The following NOL4L variants were observed in gnomAD, a reference collection of about 807,000 sequenced individuals.
NOL4L encodes nucleolar protein 4 like, also known as nucleolar protein 4-like.
Under a neutral mutation model 64.5 loss-of-function variants are expected in NOL4L, and 7 were observed. That is an observed-to-expected ratio of 0.11 (90% CI 0.06 to 0.20). The LOEUF (loss-of-function observed/expected upper bound fraction) is 0.20. NOL4L is among the 10% of genes least tolerant of loss of function. The pLI, the probability that NOL4L is intolerant of heterozygous loss-of-function variation, is 1.00. For synonymous variants in NOL4L, 413 were observed against 401.0 expected, an observed-to-expected ratio of 1.03 and a Z score of -0.36; for missense variants, 680 against 967.1, an observed-to-expected ratio of 0.70 and a Z score of 3.94.
intron 4 of NOL4L, among the ~76,000 whole-genome samples, chr20:32,510,965 G>A (rs775725469): frequency 2.0e-5 from 3 of 152,238 alleles, no homozygotes; most frequent in Non-Finnish European, 2.9e-5. Context: ...CCACAGGCAG[G>A]CGGCTACTCT....
chr20:32,560,797 T>G (rs892606802), intron 1 of NOL4L, among the ~76,000 whole-genome samples: 5 of 152,242 alleles, frequency 3.3e-5, no homozygotes, highest in Non-Finnish European at 7.3e-5. Flanking sequence ...ACGGACAGAC[T>G]GACGGATGGG....
chr20:32,584,095 TCC>T (rs1194458873), intron 1 of NOL4L, among the ~76,000 whole-genome samples: 350 of 32,426 alleles, frequency 0.011, 8 homozygotes, highest in African/African-American at 0.038. Flanking sequence ...CCTGCCTCCC[TCC>T]CCCCCCCCCA....
At chr20:32,552,682 C>G (rs1326368132) in intron 1 of NOL4L, among the ~76,000 whole-genome samples, 1 of 151,308 alleles carries the variant, frequency 6.6e-6, no homozygotes, top group South Asian at 2.1e-4. Flanking sequence ...AGAGAGACTC[C>G]GTCTCAAAAC....
intron 1 of NOL4L, among the ~76,000 whole-genome samples, chr20:32,544,585 G>A (rs1231249168): frequency 1.3e-5 from 2 of 151,926 alleles, no homozygotes; most frequent in East Asian, 3.9e-4. Flanking sequence ...GGGGTGGGAG[G>A]TGGCAGGTGG....
At chr20:32,550,832 A>T (rs183555491) in intron 1 of NOL4L, among the ~76,000 whole-genome samples, 14 of 151,936 alleles carry the variant, frequency 9.2e-5, no homozygotes, top group African/African-American at 3.4e-4. Flanking sequence ...GTGAGCCAAG[A>T]TCATGCCACC....
intron 1 of NOL4L, among the ~76,000 whole-genome samples, chr20:32,549,376 G>A (rs1176144047): frequency 4.6e-5 from 7 of 151,922 alleles, no homozygotes; most frequent in Admixed American, 2.0e-4. Flanking sequence ...CAACATCATC[G>A]GCCATCAGGG....
chr20:32,512,378 A>G (rs530474116), intron 3 of NOL4L, among the ~76,000 whole-genome samples: 3 of 152,228 alleles, frequency 2.0e-5, no homozygotes, highest in South Asian at 4.1e-4. Context: ...GCATCCCCCA[A>G]AAACATCCTC....
chr20:32,516,822 G>A (rs1475674922), intron 3 of NOL4L, among the ~76,000 whole-genome samples: 2 of 152,232 alleles, frequency 1.3e-5, no homozygotes, highest in Non-Finnish European at 2.9e-5. Flanking sequence ...GTTGTGAAGG[G>A]GTGGAGACCC....
chr20:32,548,753 G>A, intron 1 of NOL4L: 1 of 416,682 alleles, frequency 2.4e-6, no homozygotes. Context: ...GCCCATGCTT[G>A]AAATGGCCAT....
rs370178477 is a variant in NOL4L, at chr20:32,539,786, G to A, written c.322-11873C>T. On this transcript the variant is annotated intron_variant, in intron 1 of 10. Transcript: ENST00000621426. ...AGGTGGACAATGAGCTCTGTCTGGGGCCTGAGGCTCATCTTTACAAGACCG... is the reference window on the plus strand; with the variant it reads ...AGGTGGACAATGAGCTCTGTCTGGGACCTGAGGCTCATCTTTACAAGACCG... Among the ~76,000 whole-genome samples, 306 of 152,244 alleles carry A rather than the reference G, an allele frequency of 2.0e-3. No individual in the cohort carries two copies. In the South Asian group the frequency reaches 0.027, roughly 14 times the overall value.
chr20:32,466,487 T>C, intron 5 of NOL4L, among the ~76,000 whole-genome samples: 1 of 152,172 alleles, frequency 6.6e-6, no homozygotes, highest in East Asian at 1.9e-4. Flanking sequence ...TGATGGACAC[T>C]TTCCTGTGAC....
chr20:32,484,044 T>TG (rs1279500173), intron 4 of NOL4L, among the ~76,000 whole-genome samples: 4 of 139,118 alleles, frequency 2.9e-5, no homozygotes, highest in African/African-American at 1.1e-4. Flanking sequence ...CGGTGGGGGC[T>TG]GGGGGGAGAG....
Position 32,452,973 on chromosome 20 carries a change from T to C in NOL4L, c.1531A>G (p.Met511Val), listed in dbSNP as rs2013082310. The C allele has an allele frequency of 1.2e-6, 2 of 1,613,832 alleles. No homozygotes were observed. The highest frequency in any genetic ancestry group is 1.3e-5 in the African/African-American group (1 of 74,922). The change falls in exon 9 of 11, where the codon ATG becomes GTG. Residue 511 changes from methionine to valine, a missense_variant. Met to Val is a conservative substitution (Grantham distance 21). Coordinates refer to ENST00000621426, the MANE Select transcript of NOL4L (RefSeq NM_001256798.2). ...GCAGCTGCCAGGATGTTTTCTGCCA[T>C]GGCCGAGGTCAGATGGGGTGGCGTG... ...RPTPPHLTSA[M>V]AENILAAACE...
At chr20:32,583,378 TTG>T (rs1411317492) in intron 1 of NOL4L, among the ~76,000 whole-genome samples, 1 of 146,828 alleles carries the variant, frequency 6.8e-6, no homozygotes, top group East Asian at 2.1e-4. Context: ...ACCGAATCAA[TTG>T]TGTGTGAAGA....
intron 5 of NOL4L, among the ~76,000 whole-genome samples, chr20:32,462,915 A>AAAAAAAAAAAAAC (rs1389511738): frequency 6.6e-6 from 1 of 150,380 alleles, no homozygotes; most frequent in African/African-American, 2.4e-5. Context: ...AAAAAAAAAA[A>AAAAAAAAAAAAAC]AAAAAAAACT....
At chr20:32,499,738 CAAAA>C (rs10692885) in intron 4 of NOL4L, among the ~76,000 whole-genome samples, 3 of 51,336 alleles carry the variant, frequency 5.8e-5, no homozygotes, top group African/African-American at 1.7e-4. Flanking sequence ...GACCTTGTCT[CAAAA>C]AAAAAAAAAA....
chr20:32,488,786 C>CTTTCTTTTT (rs2016240487), intron 4 of NOL4L, among the ~76,000 whole-genome samples: 1 of 54,664 alleles, frequency 1.8e-5, no homozygotes, highest in Non-Finnish European at 2.9e-5. Context: ...TTCCTTCCTT[C>CTTTCTTTTT]CTTCCTTTCT....
intron 1 of NOL4L, among the ~76,000 whole-genome samples, chr20:32,557,883 A>G (rs1427514133): frequency 3.9e-5 from 6 of 152,198 alleles, no homozygotes; most frequent in Non-Finnish European, 8.8e-5. Flanking sequence ...TGGGCAACAT[A>G]GTGAAACCTT....
At chr20:32,452,846 C>A in intron 9 of NOL4L, 38 bp downstream of exon 9, 2 of 1,610,606 alleles carry the variant, frequency 1.2e-6, no homozygotes, top group Admixed American at 3.3e-5. Flanking sequence ...CCCTGGCTGC[C>A]CAGGAGCGGC....
Sources: allele counts gnomAD v4.1 joint callset (sites outside exome capture counted in the v4.1 genomes callset), GRCh38; gene constraint gnomAD v4.1.1; transcripts MANE v1.5; gene names NCBI Gene and HGNC (gene_info 2026-07-23, HGNC 2026-07-21).